Variants in ZFYVE28 observed in about 807,000 individuals in gnomAD.
ZFYVE28 encodes the protein lateral signaling target protein 2 homolog.
In ZFYVE28, 40 loss-of-function variants were observed where a neutral mutation model predicts 82.1. The ratio of observed to expected loss-of-function variants is 0.49; its 90% CI spans 0.38 to 0.63. The LOEUF (loss-of-function observed/expected upper bound fraction) is 0.63. Ranked by LOEUF, ZFYVE28 falls within the 30% of genes least tolerant of loss-of-function variation. The pLI, the probability that ZFYVE28 is intolerant of heterozygous loss-of-function variation, is 0.00. For missense variants in ZFYVE28, 1,321 were observed against 1,242.1 expected, an observed-to-expected ratio of 1.06 and a Z score of -0.96; for synonymous variants, 612 against 546.1, an observed-to-expected ratio of 1.12 and a Z score of -1.68.
At chr4:2,366,523 G>C (rs1305259268) in intron 1 of ZFYVE28, among the ~76,000 whole-genome samples, 2 of 152,248 alleles carry the variant, frequency 1.3e-5, no homozygotes, top group African/African-American at 2.4e-5. Flanking sequence ...GCCACAGCCA[G>C]CTCGGAGGGG....
At chr4:2,351,255 G>T (rs1724397401) in intron 2 of ZFYVE28, among the ~76,000 whole-genome samples, 1 of 152,188 alleles carries the variant, frequency 6.6e-6, no homozygotes, top group Non-Finnish European at 1.5e-5. Flanking sequence ...GGTGTGTGGG[G>T]AATACCCTAC....
chr4:2,302,099 C>T (rs908489146), intron 8 of ZFYVE28, among the ~76,000 whole-genome samples: 2 of 152,180 alleles, frequency 1.3e-5, no homozygotes, highest in African/African-American at 2.4e-5. Context: ...GAGGTGGGGG[C>T]GAGTGCTTGT....
chr4:2,382,105 C>T (rs1728783174), intron 1 of ZFYVE28, among the ~76,000 whole-genome samples: 1 of 152,234 alleles, frequency 6.6e-6, no homozygotes, highest in Admixed American at 6.5e-5. Context: ...GGAACCTCCA[C>T]TAGATTTCAG....
chr4:2,280,463 A>G (rs1213136263), intron 8 of ZFYVE28, among the ~76,000 whole-genome samples: 1 of 152,208 alleles, frequency 6.6e-6, no homozygotes, highest in Non-Finnish European at 1.5e-5. Flanking sequence ...AGCTGTGATC[A>G]CACCACTGCA....
intron 1 of ZFYVE28, among the ~76,000 whole-genome samples, chr4:2,381,876 G>A (rs753994488): frequency 5.9e-5 from 9 of 152,236 alleles, no homozygotes; most frequent in Non-Finnish European, 1.3e-4. Context: ...CACAAGCCCA[G>A]AGGCCTAGGG....
chr4:2,279,942 G>C (rs1376108012), intron 8 of ZFYVE28, among the ~76,000 whole-genome samples: 1 of 152,186 alleles, frequency 6.6e-6, no homozygotes, highest in African/African-American at 2.4e-5. Context: ...TTTATGGGGT[G>C]ATGAAAATGT....
Position 2,335,266 on chromosome 4 carries a change from A to C in ZFYVE28, c.701+439T>G, listed in dbSNP as rs1427602302. On this transcript the variant is annotated intron_variant, in intron 6 of 12. Coordinates refer to ENST00000290974, the MANE Select transcript of ZFYVE28 (RefSeq NM_020972.3). The surrounding 1 kb of genome is among the most constrained non-coding windows in gnomAD (Gnocchi z 5.8). ...CTCCCTGCCAGCCCCCAAATTATTCAAACAAGCCAATCACAGCCTCCTGAG... is the reference window on the plus strand; with the variant it reads ...CTCCCTGCCAGCCCCCAAATTATTCCAACAAGCCAATCACAGCCTCCTGAG... 6.6e-6 allele frequency among the ~76,000 whole-genome samples: 1 copy of C among 151,918 alleles called. No homozygotes were observed. Among genetic ancestry groups the C allele is most frequent in the Non-Finnish European group, 1.5e-5 (1 of 67,972 alleles).
intron 1 of ZFYVE28, chr4:2,364,849 C>G: frequency 1.0e-6 from 1 of 985,522 alleles, no homozygotes; most frequent in Non-Finnish European, 1.2e-6. Flanking sequence ...GATAAAACCC[C>G]CACGTCGCCG....
Position 2,270,572 on chromosome 4 carries a change from G to T in ZFYVE28, c.*153C>A. On this transcript the variant is annotated 3_prime_UTR_variant, in exon 13 of 13. Coordinates refer to ENST00000290974, the MANE Select transcript of ZFYVE28 (RefSeq NM_020972.3). ...GGGTCCCTGCAGGGAGGCTAGCGTG[G>T]GCAGGACAGAGGCTCTGGATGCTCT... 1 of 1,166,562 alleles carries T rather than the reference G, an allele frequency of 8.6e-7. No individual in the cohort carries two copies. The highest frequency in any genetic ancestry group is 1.5e-5 in the African/African-American group (1 of 65,684). 72.3% of individuals were successfully genotyped at this position (1,166,562 alleles called of 1,614,324 possible). A position where few individuals can be genotyped will look rare whatever the true frequency, so the allele number is the denominator to read the frequency against.
chr4:2,355,820 T>C (rs1725229436), intron 1 of ZFYVE28, among the ~76,000 whole-genome samples: 1 of 152,164 alleles, frequency 6.6e-6, no homozygotes, highest in Non-Finnish European at 1.5e-5. Context: ...GAAGCCATCC[T>C]CCCACCTTGG....
intron 2 of ZFYVE28, 91 bp downstream of exon 2, chr4:2,353,842 C>T: frequency 7.7e-7 from 1 of 1,290,700 alleles, no homozygotes; most frequent in African/African-American, 1.5e-5. Context: ...CACAGGGGGC[C>T]AGCAGGTGAC....
chr4:2,345,580 G>A (rs1723414615), intron 2 of ZFYVE28, among the ~76,000 whole-genome samples: 1 of 151,742 alleles, frequency 6.6e-6, no homozygotes, highest in African/African-American at 2.4e-5. Flanking sequence ...ATCAAATATG[G>A]ATGTAATTCA....
Position 2,337,514 on chromosome 4 carries a change from C to G in ZFYVE28, c.522-18G>C, listed in dbSNP as rs1560230722. The G allele has an allele frequency of 1.9e-6, 3 of 1,586,034 alleles. No individual in the cohort carries two copies. Among genetic ancestry groups the G allele is most frequent in the Non-Finnish European group, 2.6e-6 (3 of 1,164,522 alleles). Reference sequence around the variant, plus strand: ...AGACGTAGCTGCAAACACATGGAGACCTGTGAGGCCGCACCTGGGCTGTGG... The same window carrying G: ...AGACGTAGCTGCAAACACATGGAGAGCTGTGAGGCCGCACCTGGGCTGTGG... On this transcript the variant is annotated intron_variant, in intron 4 of 12. Coordinates refer to ENST00000290974, the MANE Select transcript of ZFYVE28 (RefSeq NM_020972.3).
At chr4:2,357,930 C>T (rs142574416) in intron 1 of ZFYVE28, among the ~76,000 whole-genome samples, 1 of 152,192 alleles carries the variant, frequency 6.6e-6, no homozygotes, top group African/African-American at 2.4e-5. Context: ...ACGGGCCCCT[C>T]GCTGCTTGGT....
intron 9 of ZFYVE28, among the ~76,000 whole-genome samples, 194 bp from the exon 10 acceptor site, chr4:2,273,483 G>C (rs1736101978): frequency 6.6e-6 from 1 of 152,216 alleles, no homozygotes; most frequent in African/African-American, 2.4e-5. Flanking sequence ...CGGGAGTCGA[G>C]AGAGATCAGG....
In ZFYVE28 at chr4:2,274,148, G is replaced by T. The variant is rs763020915; in HGVS notation, c.2120C>A (p.Ala707Asp). The T allele has an allele frequency of 6.2e-7, 1 of 1,613,906 alleles. No homozygotes were observed. Among genetic ancestry groups the T allele is most frequent in the Non-Finnish European group, 8.5e-7 (1 of 1,180,024 alleles). ...GPEAAPAATH[A>D]APQATREKIR... ...CTTCTCTCTTGTGGCCTGTGGGGCAGCATGCGTGGCTGCTGGGGCCGCCTC... is the reference window on the plus strand; with the variant it reads ...CTTCTCTCTTGTGGCCTGTGGGGCATCATGCGTGGCTGCTGGGGCCGCCTC... Residue 707 changes from alanine to aspartate, a missense_variant, in exon 9 of 13, where the codon GCT becomes GAT. Coordinates refer to ENST00000290974, the MANE Select transcript of ZFYVE28 (RefSeq NM_020972.3).
chr4:2,309,078 A>G (rs892938142), intron 7 of ZFYVE28, among the ~76,000 whole-genome samples: 9 of 152,206 alleles, frequency 5.9e-5, no homozygotes, highest in African/African-American at 2.2e-4. Context: ...TTAGTTCCCA[A>G]TGTGGTGGTG....
At chr4:2,311,034 T>G (rs1480564353) in intron 7 of ZFYVE28, among the ~76,000 whole-genome samples, 3 of 152,246 alleles carry the variant, frequency 2.0e-5, no homozygotes, top group Non-Finnish European at 2.9e-5. Flanking sequence ...TAATTGCTTT[T>G]TTGAGGAATT....
Position 2,304,339 on chromosome 4 carries a change from A to C in ZFYVE28, c.2001T>G (p.His667Gln). 6.2e-7 allele frequency: 1 copy of C among 1,607,000 alleles called. No homozygotes were observed. The highest frequency in any genetic ancestry group is 8.5e-7 in the Non-Finnish European group (1 of 1,179,496). Residue 667 changes from histidine (H) to glutamine (Q), a missense_variant, in exon 8 of 13, where the codon CAT (histidine) becomes CAG (glutamine). Physicochemically the swap from His to Gln is conservative, Grantham distance 24. Coordinates refer to ENST00000290974, the MANE Select transcript of ZFYVE28 (RefSeq NM_020972.3). ...CCTCGTGAGCCGAGGGGCTCCCAGC[A>C]TGCAGCTCTCTGGCCTCTGGCTCCT... ...GQQEPEAREL[H>Q]AGSPSAHEAP... is the part of the protein sequence containing the mutation.
Sources: allele counts gnomAD v4.1 joint callset (sites outside exome capture counted in the v4.1 genomes callset), GRCh38; gene constraint gnomAD v4.1.1; non-coding constraint Gnocchi (gnomAD v3.1); transcripts MANE v1.5; gene names NCBI Gene and HGNC (gene_info 2026-07-23, HGNC 2026-07-21).